Variants in PTPRD observed in about 807,000 individuals in gnomAD.
PTPRD encodes protein tyrosine phosphatase receptor type D.
PTPRD carries 34 observed loss-of-function variants against 214.5 expected under a neutral mutation model. The ratio of observed to expected loss-of-function variants is 0.16; its 90% confidence interval spans 0.12 to 0.21. The LOEUF is 0.21. PTPRD is among the 10% of genes least tolerant of loss of function. The pLI, the probability that PTPRD is intolerant of heterozygous loss-of-function variation, is 1.00. For missense variants in PTPRD, 2,545 were observed against 2,398.7 expected, an observed-to-expected ratio of 1.06 and a Z score of -1.27; for synonymous variants, 1,128 against 845.7, an observed-to-expected ratio of 1.33 and a Z score of -5.79.
intron 2 of PTPRD, among the ~76,000 whole-genome samples, chr9:10,574,271 AT>A (rs1417452799): frequency 6.6e-6 from 1 of 151,776 alleles, no homozygotes; most frequent in Admixed American, 6.6e-5. Flanking sequence ...CTCCAATCTT[AT>A]TTTTTTAACT....
At chr9:10,344,256 G>C (rs1273013740) in intron 2 of PTPRD, among the ~76,000 whole-genome samples, 1 of 151,946 alleles carries the variant, frequency 6.6e-6, no homozygotes, top group African/African-American at 2.4e-5. Flanking sequence ...TGGCTAGCCA[G>C]TTTTCCCAGC....
intron 10 of PTPRD, among the ~76,000 whole-genome samples, chr9:9,165,870 A>T (rs1161881465): frequency 2.6e-5 from 4 of 152,192 alleles, no homozygotes; most frequent in Non-Finnish European, 5.9e-5. Flanking sequence ...AACATATGTA[A>T]TACTGAATGA....
chr9:8,781,984 A>G (rs1279442800), intron 11 of PTPRD, among the ~76,000 whole-genome samples: 1 of 148,442 alleles, frequency 6.7e-6, no homozygotes, highest in Admixed American at 6.8e-5. Context: ...TTTTTTTTTT[A>G]TTTTTCAAAC....
intron 6 of PTPRD, among the ~76,000 whole-genome samples, chr9:9,745,063 T>G (rs1053657309): frequency 6.6e-6 from 1 of 152,052 alleles, no homozygotes; most frequent in African/African-American, 2.4e-5. Context: ...TTCAAAAAAG[T>G]GGACTGATAA....
chr9:9,276,096 C>T (rs1595006631), intron 9 of PTPRD, among the ~76,000 whole-genome samples: 1 of 151,166 alleles, frequency 6.6e-6, no homozygotes, highest in Non-Finnish European at 1.5e-5. Flanking sequence ...GTTGCTTAAC[C>T]CCAGCTAACA....
At chr9:10,250,136 C>G (rs1161327447) in intron 3 of PTPRD, among the ~76,000 whole-genome samples, 1 of 151,988 alleles carries the variant, frequency 6.6e-6, no homozygotes, top group Non-Finnish European at 1.5e-5. Context: ...ATTATGATAC[C>G]TTTAGCACAG....
At chr9:9,902,212 T>G (rs182408917) in intron 5 of PTPRD, among the ~76,000 whole-genome samples, 2 of 127,940 alleles carry the variant, frequency 1.6e-5, no homozygotes, top group East Asian at 3.9e-4. Flanking sequence ...CGCCCATGCA[T>G]GAATGTCTGT....
At chr9:8,805,934 G>T (rs1486735412) in intron 11 of PTPRD, among the ~76,000 whole-genome samples, 8 of 146,146 alleles carry the variant, frequency 5.5e-5, no homozygotes, top group Non-Finnish European at 1.0e-4. Context: ...GGTGGAGCTT[G>T]CAGTGAGCCG....
intron 11 of PTPRD, among the ~76,000 whole-genome samples, chr9:8,742,373 T>A (rs2092135528): frequency 6.6e-6 from 1 of 152,150 alleles, no homozygotes; most frequent in Non-Finnish European, 1.5e-5. Flanking sequence ...ATGAGAACAT[T>A]TTACATGATC....
At chr9:9,555,349 A>T (rs575442170) in intron 8 of PTPRD, among the ~76,000 whole-genome samples, 1 of 152,086 alleles carries the variant, frequency 6.6e-6, no homozygotes, top group Non-Finnish European at 1.5e-5. Context: ...GTTGAGCAAC[A>T]TCACACATTA....
intron 3 of PTPRD, among the ~76,000 whole-genome samples, chr9:10,063,816 A>G (rs146695028): frequency 6.6e-6 from 1 of 152,126 alleles, no homozygotes; most frequent in Non-Finnish European, 1.5e-5. Context: ...TATTGCAGGT[A>G]GCAGTACTGG....
chr9:10,536,954 A>C (rs1377016283), intron 2 of PTPRD, among the ~76,000 whole-genome samples: 2 of 152,150 alleles, frequency 1.3e-5, no homozygotes, highest in African/African-American at 4.8e-5. Flanking sequence ...TACGGTTATT[A>C]GGTAATTCAA....
intron 6 of PTPRD, among the ~76,000 whole-genome samples, chr9:9,740,151 T>G (rs2098377935): frequency 6.6e-6 from 1 of 152,276 alleles, no homozygotes; most frequent in East Asian, 1.9e-4. Flanking sequence ...TTACCTTAAA[T>G]GTGTTGATCT....
intron 3 of PTPRD, among the ~76,000 whole-genome samples, chr9:10,093,177 G>C (rs1350797510): frequency 6.6e-6 from 1 of 151,460 alleles, no homozygotes; most frequent in East Asian, 1.9e-4. Flanking sequence ...TACAAAATGA[G>C]AGAAAATATA....
chr9:9,271,298 A>AC (rs5896315), intron 9 of PTPRD, among the ~76,000 whole-genome samples: 15 of 151,086 alleles, frequency 9.9e-5, no homozygotes, highest in African/African-American at 3.6e-4. Context: ...AAAAAAAAAA[A>AC]CATCTGTGAA....
In PTPRD at chr9:8,341,140, A is replaced by C. The variant is rs1302339364; in HGVS notation, c.5076T>G (p.Arg1692=). ...ESTRVCLQPI[R]GVEGSDYINA... ...TGATGTAATCAGATCCTTCTACTCC[A>C]CGGATAGGCTGCAGGCATACCCTTG... The change falls in exon 41 of 46, where the codon CGT becomes CGG. Residue 1692 remains arginine (R), a synonymous_variant. Transcript: ENST00000381196. The C allele has an allele frequency of 1.2e-6, 2 of 1,613,106 alleles. No individual in the cohort carries two copies. The highest frequency in any genetic ancestry group is 1.7e-6 in the Non-Finnish European group (2 of 1,179,426).
rs1007514647 is a variant in PTPRD, at chr9:8,349,542, T to C, written c.4662-7564A>G. ...CCTATTTAGTGCTGTTTGTTTTTCATCATTTCAACAGCCTTCAACTTGAAA... is the reference window on the plus strand; with the variant it reads ...CCTATTTAGTGCTGTTTGTTTTTCACCATTTCAACAGCCTTCAACTTGAAA... On this transcript the variant is annotated intron_variant, in intron 39 of 45. Transcript: ENST00000381196. Among the ~76,000 whole-genome samples the C allele has an allele frequency of 7.2e-5, 11 of 152,160 alleles. No individual in the cohort carries two copies. The South Asian group carries it at 1.0e-3, about 14-fold the overall frequency.
At chr9:10,563,770 T>C (rs2064746951) in intron 2 of PTPRD, among the ~76,000 whole-genome samples, 1 of 152,054 alleles carries the variant, frequency 6.6e-6, no homozygotes, top group African/African-American at 2.4e-5. Context: ...TGAACAAATT[T>C]TGATGTTGAG....
intron 9 of PTPRD, among the ~76,000 whole-genome samples, chr9:9,359,005 CATTT>C (rs1434784059): frequency 6.6e-6 from 1 of 151,208 alleles, no homozygotes; most frequent in African/African-American, 2.4e-5. Context: ...GCTGCACTTG[CATTT>C]ATTATGAATT....
Sources: gnomAD v4.1 joint callset for allele counts (sites outside exome capture counted in the v4.1 genomes callset) on GRCh38, gnomAD v4.1.1 for gene constraint, MANE v1.5 for transcripts, NCBI Gene and HGNC (gene_info 2026-07-23, HGNC 2026-07-21) for gene names.